PATJ: variants seen among roughly 807,000 people sequenced by gnomAD.
PATJ encodes the protein PATJ crumbs cell polarity complex component, also known as inaD-like protein.
A neutral mutation model predicts 224.9 loss-of-function variants in PATJ; 190 were observed. The observed-to-expected ratio is 0.84, with a 90% confidence interval of 0.75 to 0.95. The LOEUF (loss-of-function observed/expected upper bound fraction) is 0.95. Among genes scored for constraint, PATJ ranks in the 40% least tolerant of loss-of-function variants. The pLI is 0.00. For missense variants in PATJ, 2,121 were observed against 2,270.3 expected, an observed-to-expected ratio of 0.93 and a Z score of 1.34; for synonymous variants, 769 against 820.3, an observed-to-expected ratio of 0.94 and a Z score of 1.07.
chr1:62,106,059 A>T (rs1405953283), intron 33 of PATJ, among the ~76,000 whole-genome samples: 2 of 41,174 alleles, frequency 4.9e-5, no homozygotes, highest in Non-Finnish European at 1.0e-4. Context: ...AAAAAAAAAA[A>T]AAAAATATAT....
chr1:61,869,107 T>TG (rs1665864978), intron 20 of PATJ, among the ~76,000 whole-genome samples: 1 of 148,610 alleles, frequency 6.7e-6, no homozygotes, highest in Non-Finnish European at 1.5e-5. Context: ...ATTTTTTTTT[T>TG]TTTTTTTTTT....
chr1:62,035,129 G>A (rs1396765237), intron 29 of PATJ, among the ~76,000 whole-genome samples: 3 of 152,168 alleles, frequency 2.0e-5, no homozygotes, highest in African/African-American at 4.8e-5. Flanking sequence ...ACAAGTGATG[G>A]ATTACTTTTT....
At chr1:61,769,514 G>T in intron 5 of PATJ, 92 bp downstream of exon 5, 3 of 1,332,402 alleles carry the variant, frequency 2.3e-6, no homozygotes, top group South Asian at 1.4e-5. Context: ...AATAAAAACA[G>T]TAACAGTAAC....
Position 61,787,911 on chromosome 1 carries a change from C to G in PATJ, c.1007C>G (p.Pro336Arg), listed in dbSNP as rs142273680. 4.3e-6 allele frequency: 7 copies of G among 1,613,998 alleles called. No homozygotes were observed. The highest frequency in any genetic ancestry group is 1.1e-5 in the South Asian group (1 of 91,068). The change falls in exon 8 of 44, where the codon CCC (proline) becomes CGC (arginine). Residue 336 changes from proline to arginine, a missense_variant. Coordinates refer to ENST00000642238, the MANE Select transcript of PATJ (RefSeq NM_001350145.3). ...CCAGCTGGTGACATTTCAGTCACCC[C>G]CCCTGCCCCTGCAGCCTTACCTGTT... Reference protein sequence around the residue: ...RDPAGDISVTPPAPAALPVAL... With the variant: ...RDPAGDISVTRPAPAALPVAL...
At chr1:61,824,258 T>A (rs1020948461) in intron 15 of PATJ, among the ~76,000 whole-genome samples, 1 of 148,820 alleles carries the variant, frequency 6.7e-6, no homozygotes, top group African/African-American at 2.5e-5. Flanking sequence ...CGAGACGGGG[T>A]CTTGCTATGT....
At chr1:61,769,647 G>A (rs1040577252) in intron 5 of PATJ, among the ~76,000 whole-genome samples, 1 of 152,156 alleles carries the variant, frequency 6.6e-6, no homozygotes, top group Non-Finnish European at 1.5e-5. Flanking sequence ...TGAGAAAGCT[G>A]AGATTCAGAG....
chr1:61,807,702 T>A (rs748150624), intron 13 of PATJ, among the ~76,000 whole-genome samples: 1 of 152,212 alleles, frequency 6.6e-6, no homozygotes, highest in Non-Finnish European at 1.5e-5. Context: ...ATATTTCTTA[T>A]TTTGTTAAAA....
At chr1:62,130,896 G>A (rs990781030) in intron 41 of PATJ, among the ~76,000 whole-genome samples, 14 of 152,038 alleles carry the variant, frequency 9.2e-5, no homozygotes, top group African/African-American at 3.1e-4. Flanking sequence ...AGCAATTTGT[G>A]GTGTTTTACA....
rs759033719 is a variant in PATJ, at chr1:61,856,102, G to T, written c.2185G>T (p.Gly729Trp). The T allele has an allele frequency of 6.8e-6, 11 of 1,613,998 alleles. No individual in the cohort carries two copies. Among genetic ancestry groups the T allele is most frequent in the Non-Finnish European group, 8.5e-6 (10 of 1,179,896 alleles). Residue 729 changes from glycine to tryptophan, a missense_variant, in exon 18 of 44, where the codon GGG becomes TGG. Transcript: ENST00000642238. The stretch of plus-strand genomic sequence containing the variant: ...AGCAGATGGTGTAGCAGAAAGAAGT[G>T]GGGGACTATTACCTGGAGACCGCCT... ...LVADGVAERS[G>W]GLLPGDRLVS...
intron 20 of PATJ, among the ~76,000 whole-genome samples, chr1:61,871,557 A>AT (rs71582650): frequency 1.1e-4 from 6 of 55,066 alleles, no homozygotes; most frequent in African/African-American, 2.9e-4. Context: ...ATATATATAT[A>AT]TTTTTTTTTT....
chr1:61,874,025 T>C (rs1667019155), intron 20 of PATJ, among the ~76,000 whole-genome samples: 1 of 152,106 alleles, frequency 6.6e-6, no homozygotes, highest in South Asian at 2.1e-4. Context: ...TGCCTAATTC[T>C]TCCTGATCAT....
chr1:62,054,377 T>G, intron 31 of PATJ: 1 of 436,564 alleles, frequency 2.3e-6, no homozygotes, highest in Non-Finnish European at 4.6e-6. Flanking sequence ...AAAAAAAAAG[T>G]TATTTTCAGA....
intron 18 of PATJ, among the ~76,000 whole-genome samples, chr1:61,859,977 A>T (rs2148929161): frequency 6.6e-6 from 1 of 152,268 alleles, no homozygotes; most frequent in East Asian, 1.9e-4. Flanking sequence ...GGGGACAGAG[A>T]ATGTGAATAA....
intron 35 of PATJ, among the ~76,000 whole-genome samples, chr1:62,115,578 T>C (rs1167292190): frequency 6.7e-6 from 1 of 150,310 alleles, no homozygotes; most frequent in Non-Finnish European, 1.5e-5. Flanking sequence ...AAGTAATAGC[T>C]TGAAACAAAG....
intron 31 of PATJ, among the ~76,000 whole-genome samples, chr1:62,058,472 G>T (rs1654899087): frequency 6.6e-6 from 1 of 152,118 alleles, no homozygotes; most frequent in Non-Finnish European, 1.5e-5. Context: ...GATGAAAAAG[G>T]CTGTCAGATA....
intron 42 of PATJ, among the ~76,000 whole-genome samples, chr1:62,149,240 C>A (rs2149032925): frequency 6.6e-6 from 1 of 152,124 alleles, no homozygotes; most frequent in African/African-American, 2.4e-5. Flanking sequence ...TTCCAGAAAC[C>A]TGATGTTAAC....
chr1:62,001,810 C>T (rs111245601), intron 28 of PATJ, among the ~76,000 whole-genome samples: 5,430 of 151,922 alleles, frequency 0.036, 242 homozygotes, highest in African/African-American at 0.1. Context: ...TTCTTCCTAC[C>T]CATGAGCATG....
At chr1:62,020,055 A>G (rs749517028) in intron 29 of PATJ, among the ~76,000 whole-genome samples, 6 of 152,064 alleles carry the variant, frequency 3.9e-5, no homozygotes, top group Non-Finnish European at 8.8e-5. Flanking sequence ...CTGTAGTCCC[A>G]GCTACTCGGG....
intron 31 of PATJ, among the ~76,000 whole-genome samples, chr1:62,051,603 A>G (rs1394387189): frequency 1.3e-5 from 2 of 152,200 alleles, no homozygotes; most frequent in African/African-American, 4.8e-5. Context: ...CTGGGTTTAC[A>G]GATGTGAGCC....
Sources: gnomAD v4.1 joint callset for allele counts (sites outside exome capture counted in the v4.1 genomes callset) on GRCh38, gnomAD v4.1.1 for gene constraint, MANE v1.5 for transcripts, NCBI Gene and HGNC (gene_info 2026-07-23, HGNC 2026-07-21) for gene names.